NALCN: variants seen among roughly 807,000 people sequenced by gnomAD.
The protein encoded by NALCN is sodium leak channel, non-selective.
A neutral mutation model predicts 225.3 loss-of-function variants in NALCN; 111 were observed. That is an observed-to-expected ratio of 0.49 (90% CI 0.42 to 0.58). The LOEUF (loss-of-function observed/expected upper bound fraction) is 0.58. Among genes scored for constraint, NALCN ranks in the 20% least tolerant of loss-of-function variants. The pLI, the probability that NALCN is intolerant of heterozygous loss-of-function variation, is 0.00. For missense variants in NALCN, 1,378 were observed against 2,202.4 expected, an observed-to-expected ratio of 0.63 and a Z score of 7.49; for synonymous variants, 764 against 769.0, an observed-to-expected ratio of 0.99 and a Z score of 0.11.
At chr13:101,286,896 C>CACACAT (rs2043359249) in intron 9 of NALCN, among the ~76,000 whole-genome samples, 1 of 151,372 alleles carries the variant, frequency 6.6e-6, no homozygotes, top group Non-Finnish European at 1.5e-5. Flanking sequence ...CACACACACA[C>CACACAT]ACCTGCATCC....
rs542874053 is a variant in NALCN, at chr13:101,140,258, C to T, written c.2118+2822G>A. Among the ~76,000 whole-genome samples, 195 of 152,214 alleles carry T rather than the reference C, an allele frequency of 1.3e-3. 1 individual carries two copies. Among genetic ancestry groups the T allele is most frequent in the African/African-American group, 4.5e-3 (188 of 41,544 alleles). On this transcript the variant is annotated intron_variant, in intron 17 of 43. Coordinates refer to ENST00000251127, the MANE Select transcript of NALCN (RefSeq NM_052867.4). ...CTGGGGAGGGTTCGCTTCGGGCGGG[C>T]GCACAGAGGGGCGGGCCACATTCTC...
intron 1 of NALCN, among the ~76,000 whole-genome samples, chr13:101,412,453 C>G (rs1414302): frequency 2.6e-5 from 4 of 152,096 alleles, no homozygotes; most frequent in Admixed American, 1.3e-4. Flanking sequence ...CTGCGGAGGC[C>G]TACCCCTGCC....
chr13:101,324,977 T>C (rs1041970448), intron 7 of NALCN, among the ~76,000 whole-genome samples: 1 of 152,190 alleles, frequency 6.6e-6, no homozygotes, highest in African/African-American at 2.4e-5. Flanking sequence ...TGAGAGTTTT[T>C]AGCATGAAGG....
chr13:101,240,319 C>T (rs2041710837), intron 11 of NALCN, among the ~76,000 whole-genome samples: 2 of 151,742 alleles, frequency 1.3e-5, no homozygotes, highest in Admixed American at 6.6e-5. Flanking sequence ...ATATAAATAT[C>T]CTAAATATCC....
rs1376269437 is a variant in NALCN at position 101,053,880 on chromosome 13, C to T, written c.*1415G>A. 1 of 152,258 alleles carries T rather than the reference C, an allele frequency of 6.6e-6. No individual in the cohort carries two copies. Among genetic ancestry groups the T allele is most frequent in the East Asian group, 1.9e-4 (1 of 5,184 alleles). 9.4% of individuals were successfully genotyped at this position (152,258 alleles called of 1,614,324 possible). A position where few individuals can be genotyped will look rare whatever the true frequency, so the allele number is the denominator to read the frequency against. ...CCTTTTGGCCACATGACTGGTTGTT[C>T]TTTATCTCATAGTTACAATGAATCA... On this transcript the variant is annotated 3_prime_UTR_variant, in exon 44 of 44. Transcript: ENST00000251127.
chr13:101,077,860 CT>C (rs1243599448), intron 34 of NALCN, among the ~76,000 whole-genome samples: 10 of 152,184 alleles, frequency 6.6e-5, no homozygotes, highest in African/African-American at 2.4e-4. Flanking sequence ...CATCACAGGC[CT>C]GGAAGCCTAG....
At chr13:101,199,942 C>T (rs1445060559) in intron 13 of NALCN, among the ~76,000 whole-genome samples, 1 of 152,088 alleles carries the variant, frequency 6.6e-6, no homozygotes, top group East Asian at 1.9e-4. Flanking sequence ...TTTGCATGCT[C>T]CTTTGCTGGT....
At chr13:101,223,525 T>A (rs1463509090) in intron 13 of NALCN, among the ~76,000 whole-genome samples, 1 of 152,140 alleles carries the variant, frequency 6.6e-6, no homozygotes, top group Non-Finnish European at 1.5e-5. Context: ...TTCAATCTGA[T>A]AATGGCCCTG....
chr13:101,400,544 A>AGTGTGTGTG lies in NALCN; in HGVS notation c.-39-1388_-39-1380dup, dbSNP rs1157013505. ...CACTGGAGTACAAGAACATGTTTGC[A>AGTGTGTGTG]GTGTGTGTGTGTGTGTGTGTGTGTG... is the stretch of plus-strand genomic sequence containing the variant. On this transcript the variant is annotated intron_variant, in intron 1 of 43. Transcript: ENST00000251127. Among the ~76,000 whole-genome samples, 5 of 135,248 alleles carry AGTGTGTGTG rather than the reference A, an allele frequency of 3.7e-5. No homozygotes were observed. In the East Asian group the frequency reaches 8.6e-4, roughly 23 times the overall value. The allele number at this position is 135,248 out of a possible 152,430, so 88.7% of individuals were successfully genotyped here. A position where few individuals can be genotyped will look rare whatever the true frequency, so the allele number is the denominator to read the frequency against.
chr13:101,129,397 A>G lies in NALCN; in HGVS notation c.2119-4716T>C, dbSNP rs867140712. On this transcript the variant is annotated intron_variant, in intron 17 of 43. Transcript: ENST00000251127. ...AATTACCATTTCTTACTGTTAGTCA[A>G]ATTATCTCTACTGTGCTCATTGGGA... 4.3e-4 allele frequency among the ~76,000 whole-genome samples: 66 copies of G among 152,284 alleles called. No homozygotes were observed. The Middle Eastern group carries it at 0.014, about 31-fold the overall frequency.
At chr13:101,156,958 A>C (rs1000548163) in intron 15 of NALCN, among the ~76,000 whole-genome samples, 44 of 152,160 alleles carry the variant, frequency 2.9e-4, no homozygotes, top group African/African-American at 1.0e-3. Flanking sequence ...AATGTCTCCT[A>C]TGTTGATAAA....
chr13:101,106,206 A>T (rs2035089603), intron 22 of NALCN, among the ~76,000 whole-genome samples: 1 of 152,050 alleles, frequency 6.6e-6, no homozygotes, highest in African/African-American at 2.4e-5. Context: ...TCTCTTAAGG[A>T]AACCAATCAT....
rs200310713 is a variant in NALCN at position 101,055,277 on chromosome 13, A to G, written c.*18T>C. On this transcript the variant is annotated 3_prime_UTR_variant, in exon 44 of 44. Transcript: ENST00000251127. ...AAACGGTTTCCACCACTAGAAATTC[A>G]TCTACATTGACATCCACCTAAATAT... 2.5e-4 allele frequency: 407 copies of G among 1,600,520 alleles called. 1 individual carries two copies. Among genetic ancestry groups the G allele is most frequent in the Non-Finnish European group, 3.2e-4 (372 of 1,170,590 alleles).
chr13:101,115,752 A>G (rs1028216316), intron 18 of NALCN, among the ~76,000 whole-genome samples: 1 of 152,186 alleles, frequency 6.6e-6, no homozygotes, highest in Non-Finnish European at 1.5e-5. Flanking sequence ...GAATACTGTG[A>G]TCTTCAGGGA....
chr13:101,160,112 G>T (rs974112102), intron 15 of NALCN, among the ~76,000 whole-genome samples: 1 of 151,928 alleles, frequency 6.6e-6, no homozygotes, highest in East Asian at 1.9e-4. Context: ...ACACCACCAT[G>T]CCTGACTAAT....
At chr13:101,323,185 A>T (rs910268970) in intron 7 of NALCN, among the ~76,000 whole-genome samples, 17 of 152,238 alleles carry the variant, frequency 1.1e-4, no homozygotes, top group African/African-American at 3.9e-4. Context: ...AAAGTTTACT[A>T]TTAATTGTAT....
At chr13:101,319,093 A>G (rs1300754095) in intron 7 of NALCN, among the ~76,000 whole-genome samples, 1 of 152,220 alleles carries the variant, frequency 6.6e-6, no homozygotes, top group Non-Finnish European at 1.5e-5. Flanking sequence ...GGGCACATGA[A>G]TGAGAACTGC....
chr13:101,125,868 G>T (rs1436459350), intron 17 of NALCN, among the ~76,000 whole-genome samples: 1 of 152,206 alleles, frequency 6.6e-6, no homozygotes, highest in Non-Finnish European at 1.5e-5. Context: ...ACCTGTATAA[G>T]TGCTGTGCTA....
chr13:101,415,325 C>T (rs948623392), intron 1 of NALCN, among the ~76,000 whole-genome samples: 1 of 151,878 alleles, frequency 6.6e-6, no homozygotes, highest in African/African-American at 2.4e-5. Flanking sequence ...GTCCTCAACC[C>T]ACATTTCACC....
Sources: allele counts gnomAD v4.1 joint callset (sites outside exome capture counted in the v4.1 genomes callset), GRCh38; gene constraint gnomAD v4.1.1; transcripts MANE v1.5; gene names NCBI Gene and HGNC (gene_info 2026-07-23, HGNC 2026-07-21).